Variants in MGST2 observed in about 807,000 individuals in gnomAD.
The protein encoded by MGST2 is glutathione peroxidase MGST2.
A neutral mutation model predicts 16.6 loss-of-function variants in MGST2; 9 were observed. The ratio of observed to expected loss-of-function variants is 0.54; its 90% CI spans 0.33 to 0.95. The LOEUF (loss-of-function observed/expected upper bound fraction) is 0.95, where lower values mean the gene tolerates loss of function less well. MGST2 is among the 40% of genes least tolerant of loss of function. The pLI is 0.03. For synonymous variants in MGST2, 79 were observed against 68.0 expected, an observed-to-expected ratio of 1.16 and a Z score of -0.79; for missense variants, 159 against 175.1, an observed-to-expected ratio of 0.91 and a Z score of 0.52.
intron 2 of MGST2, among the ~76,000 whole-genome samples, chr4:139,689,533 C>T (rs935406853): frequency 2.6e-5 from 4 of 152,124 alleles, no homozygotes; most frequent in Admixed American, 2.0e-4. Context: ...TCCAAAAGAC[C>T]GCCCAGGGTC....
intron 5 of MGST2, among the ~76,000 whole-genome samples, chr4:139,714,789 C>T (rs1315209003): frequency 6.6e-6 from 1 of 152,048 alleles, no homozygotes; most frequent in African/African-American, 2.4e-5. Flanking sequence ...GAGAAAGAAC[C>T]ACCCATTGCA....
chr4:139,703,911 T>A, intron 4 of MGST2, 105 bp from the exon 5 acceptor site: 1 of 1,449,220 alleles, frequency 6.9e-7, no homozygotes, highest in Non-Finnish European at 9.6e-7. Context: ...TGCAAAAATA[T>A]AGAAGTTCTG....
downstream of MGST2, among the ~76,000 whole-genome samples, chr4:139,744,551 C>T (rs990093598): frequency 2.0e-5 from 3 of 152,120 alleles, no homozygotes; most frequent in Non-Finnish European, 2.9e-5. Context: ...CAATGTGTGG[C>T]GTGTATATTT....
chr4:139,742,847 A>G (rs1729210615), downstream of MGST2, among the ~76,000 whole-genome samples: 1 of 152,202 alleles, frequency 6.6e-6, no homozygotes, highest in South Asian at 2.1e-4. Flanking sequence ...TGACTATAAC[A>G]ATAGAGGCCT....
At chr4:139,683,745 C>T (rs1400698115) in intron 2 of MGST2, among the ~76,000 whole-genome samples, 4 of 151,876 alleles carry the variant, frequency 2.6e-5, no homozygotes, top group Non-Finnish European at 5.9e-5. Flanking sequence ...AAGACATACC[C>T]GAGACTGAGC....
intron 5 of MGST2, chr4:139,719,059 T>C: frequency 2.3e-6 from 1 of 440,320 alleles, no homozygotes; most frequent in Non-Finnish European, 4.0e-6. Context: ...GGCTTCATCT[T>C]CCCACCTGCT....
At chr4:139,676,107 T>C (rs903556248) in intron 1 of MGST2, among the ~76,000 whole-genome samples, 1 of 152,206 alleles carries the variant, frequency 6.6e-6, no homozygotes, top group Non-Finnish European at 1.5e-5. Flanking sequence ...TTTATGTCAC[T>C]ATAGATTCAT....
downstream of MGST2, chr4:139,704,401 G>A (rs1258398960): frequency 1.0e-5 from 5 of 500,282 alleles, no homozygotes; most frequent in Non-Finnish European, 1.8e-5. Context: ...GGTTGTGTAG[G>A]GACACAGCAG....
chr4:139,714,542 A>G (rs895260924), intron 5 of MGST2, among the ~76,000 whole-genome samples: 3 of 152,324 alleles, frequency 2.0e-5, no homozygotes, highest in Non-Finnish European at 4.4e-5. Flanking sequence ...AAAGCAAAAT[A>G]CGCGTAATAA....
At chr4:139,666,125 T>C (rs767272193) in intron 1 of MGST2, 48 bp downstream of exon 1, 9 of 1,193,252 alleles carry the variant, frequency 7.5e-6, no homozygotes, top group South Asian at 1.3e-5. Context: ...TGCGTGTGTG[T>C]GTGTGTGTGA....
chr4:139,709,255 T>G (rs1054715342), intron 5 of MGST2, among the ~76,000 whole-genome samples: 6 of 151,836 alleles, frequency 4.0e-5, no homozygotes, highest in African/African-American at 1.5e-4. Flanking sequence ...GCTAATTTTT[T>G]GTATTTTTTA....
intron 1 of MGST2, among the ~76,000 whole-genome samples, chr4:139,669,259 G>A (rs1352465062): frequency 6.6e-6 from 1 of 152,104 alleles, no homozygotes; most frequent in East Asian, 1.9e-4. Context: ...GAGAGAGAGA[G>A]TGTGTAAGAG....
At position 139,730,469 on chromosome 4, in the gene MGST2, G is replaced by A. The variant is rs935950874; in HGVS notation, c.*49-9743G>A. On this transcript the variant is annotated intron_variant, in intron 5 of 5. Coordinates refer to the MGST2 transcript ENST00000616265. ...TGCTGCTGCTGCTGCCTTTGCTCCC[G>A]CAGGAACTGTTGCTTCTGCTGCTCT... is the stretch of plus-strand genomic sequence containing the variant. 16 of 1,552,538 alleles carry A rather than the reference G, an allele frequency of 1.0e-5. No individual in the cohort carries two copies. In the South Asian group the frequency reaches 1.5e-4, roughly 15 times the overall value.
At chr4:139,673,300 A>T (rs1579289019) in intron 1 of MGST2, among the ~76,000 whole-genome samples, 1 of 152,244 alleles carries the variant, frequency 6.6e-6, no homozygotes, top group East Asian at 1.9e-4. Context: ...CAGGATTTGC[A>T]GTGACAGAAA....
At chr4:139,700,318 A>G (rs1183063247) in intron 3 of MGST2, among the ~76,000 whole-genome samples, 1 of 151,360 alleles carries the variant, frequency 6.6e-6, no homozygotes, top group African/African-American at 2.4e-5. Flanking sequence ...TTTTTAGTAG[A>G]GATGCTGTTT....
At chr4:139,700,074 T>C (rs1042799804) in intron 3 of MGST2, among the ~76,000 whole-genome samples, 14 of 151,352 alleles carry the variant, frequency 9.2e-5, no homozygotes, top group African/African-American at 3.4e-4. Flanking sequence ...TATTATTTAT[T>C]GAGCCCTTAC....
chr4:139,730,475 A>G, intron 5 of MGST2: 1 of 1,552,940 alleles, frequency 6.4e-7, no homozygotes, highest in Non-Finnish European at 8.7e-7. Flanking sequence ...TCCCGCAGGA[A>G]CTGTTGCTTC....
At chr4:139,675,076 A>G (rs1730892969) in intron 1 of MGST2, among the ~76,000 whole-genome samples, 1 of 152,204 alleles carries the variant, frequency 6.6e-6, no homozygotes. Context: ...CTGAGAAACA[A>G]CTCAAGAACT....
intron 5 of MGST2, among the ~76,000 whole-genome samples, chr4:139,733,848 T>A (rs1391282004): frequency 6.6e-6 from 1 of 152,118 alleles, no homozygotes; most frequent in East Asian, 1.9e-4. Flanking sequence ...CACCATGCCC[T>A]GCTAATTTTT....
Sources: gnomAD v4.1 joint callset for allele counts (sites outside exome capture counted in the v4.1 genomes callset) on GRCh38, gnomAD v4.1.1 for gene constraint, MANE v1.5 for transcripts, NCBI Gene and HGNC (gene_info 2026-07-23, HGNC 2026-07-21) for gene names.